The following ZNF329 variants were observed in gnomAD, a reference collection of about 807,000 sequenced individuals.
ZNF329 encodes the protein zinc finger protein 329.
A neutral mutation model predicts 26.6 loss-of-function variants in ZNF329; 15 were observed. The ratio of observed to expected loss-of-function variants is 0.56; its 90% CI spans 0.38 to 0.87. The LOEUF is 0.87. Among genes scored for constraint, ZNF329 ranks in the 40% least tolerant of loss-of-function variants. ZNF329 has a pLI of 0.00. For synonymous variants in ZNF329, 239 were observed against 233.5 expected (o/e 1.02, Z -0.21); for missense variants, 651 against 651.9 (o/e 1.00, Z 0.02).
rs1600041298 is a variant in ZNF329, at chr19:58,128,631, C to G, written c.873G>C (p.Glu291Asp). The part of the protein sequence containing the change: ...HTGEKPYECL[E>D]CGKTFNRNSS... The stretch of plus-strand genomic sequence containing the variant: ...AATTTCGGTTGAAGGTTTTTCCACA[C>G]TCTAGGCATTCATAAGGTTTCTCGC... The change falls in exon 4 of 4, where the codon GAG becomes GAC. Residue 291 changes from glutamate (E) to aspartate (D), a missense_variant. Physicochemically the swap from Glu to Asp is conservative, Grantham distance 45. Coordinates refer to ENST00000598312, the MANE Select transcript of ZNF329 (RefSeq NM_024620.4). 1.2e-6 allele frequency: 2 copies of G among 1,607,242 alleles called. No homozygotes were observed. Among genetic ancestry groups the G allele is most frequent in the Non-Finnish European group, 8.5e-7 (1 of 1,176,514 alleles).
chr19:58,134,064 T>C (rs2075011762), intron 3 of ZNF329, among the ~76,000 whole-genome samples: 1 of 152,162 alleles, frequency 6.6e-6, no homozygotes, highest in South Asian at 2.1e-4. Flanking sequence ...GTATAAAACA[T>C]CTAAGCCCAC....
chr19:58,135,508 T>C (rs2075044641), intron 3 of ZNF329, among the ~76,000 whole-genome samples: 1 of 152,176 alleles, frequency 6.6e-6, no homozygotes, highest in South Asian at 2.1e-4. Flanking sequence ...TCAGGTGATC[T>C]GCCTGCTTCG....
At chr19:58,144,939 T>C (rs1391906869) in intron 1 of ZNF329, among the ~76,000 whole-genome samples, 1 of 149,654 alleles carries the variant, frequency 6.7e-6, no homozygotes, top group African/African-American at 2.5e-5. Context: ...AAGCTCTGCC[T>C]CCCGGGTTCA....
intron 1 of ZNF329, among the ~76,000 whole-genome samples, chr19:58,144,006 G>A (rs12983138): frequency 0.41 from 61,283 of 151,144 alleles, 13,291 homozygotes; most frequent in Middle Eastern, 0.57. Context: ...GCTGGAACCC[G>A]GGAGGCAGAG....
upstream of ZNF329, among the ~76,000 whole-genome samples, chr19:58,153,918 C>G (rs115736660): frequency 0.037 from 5,634 of 152,022 alleles, 367 homozygotes; most frequent in African/African-American, 0.13. Flanking sequence ...ACCCAGGCTG[C>G]TCTCAAACTC....
intron 3 of ZNF329, among the ~76,000 whole-genome samples, chr19:58,133,773 G>C (rs946184877): frequency 6.6e-6 from 1 of 151,602 alleles, no homozygotes; most frequent in African/African-American, 2.4e-5. Flanking sequence ...TCGAGGTGGG[G>C]GGATCACTTG....
chr19:58,149,417 G>A (rs1018309273), intron 1 of ZNF329, among the ~76,000 whole-genome samples: 9 of 152,042 alleles, frequency 5.9e-5, no homozygotes, highest in Admixed American at 2.6e-4. Flanking sequence ...GTTATAGCTC[G>A]GGACCCCCTT....
At chr19:58,152,989 A>G (rs1399966892), upstream of ZNF329, among the ~76,000 whole-genome samples, 1 of 152,250 alleles carries the variant, frequency 6.6e-6, no homozygotes, top group Non-Finnish European at 1.5e-5. Flanking sequence ...AGTAAAAGTA[A>G]TAATCTAGTA....
upstream of ZNF329, among the ~76,000 whole-genome samples, chr19:58,152,947 C>T (rs2146152623): frequency 6.6e-6 from 1 of 151,986 alleles, no homozygotes; most frequent in Middle Eastern, 3.4e-3. Context: ...ACACAAATAT[C>T]AGAAGAATAG....
chr19:58,148,773 A>G (rs887870111), intron 1 of ZNF329, among the ~76,000 whole-genome samples: 2 of 152,244 alleles, frequency 1.3e-5, no homozygotes, highest in African/African-American at 4.8e-5. Flanking sequence ...TATGATATCT[A>G]TAACATACTT....
rs537915701 is a variant in ZNF329 at position 58,128,864 on chromosome 19, G to A, written c.640C>T (p.Arg214Trp). 3.0e-5 allele frequency: 48 copies of A among 1,613,172 alleles called. No individual in the cohort carries two copies. Among genetic ancestry groups the A allele is most frequent in the Middle Eastern group, 1.7e-4 (1 of 6,050 alleles). Residue 214 changes from arginine (R) to tryptophan (W), a missense_variant, in exon 4 of 4, where the codon CGG becomes TGG. Transcript: ENST00000598312. ...TGATGCAAAACAAGAGAAGAGTTCC[G>A]TTTGAAGCATTTGCCACATTCAGTA... ...RCTECGKCFKRNSSLVLHHRT... is the reference protein window; with the variant it reads ...RCTECGKCFKWNSSLVLHHRT...
Position 58,128,587 on chromosome 19 carries a change from T to G in ZNF329, c.917A>C (p.Gln306Pro). The G allele has an allele frequency of 6.2e-7, 1 of 1,613,182 alleles. No individual in the cohort carries two copies. The change falls in exon 4 of 4, where the codon CAA becomes CCA. Residue 306 changes from glutamine to proline, a missense_variant. By Grantham distance (76) the Gln-to-Pro change is moderately conservative. Transcript: ENST00000598312. ...TGGTTTTTCCCCTGTATGAGTTCTT[T>G]GGTGCAAAATTAAGGATGAATTTCG... is the stretch of plus-strand genomic sequence containing the variant. ...FNRNSSLILH[Q>P]RTHTGEKPYR...
chr19:58,130,596 C>T (rs556501601), intron 3 of ZNF329, among the ~76,000 whole-genome samples: 1 of 151,564 alleles, frequency 6.6e-6, no homozygotes, highest in East Asian at 1.9e-4. Context: ...ATGGCGCGAA[C>T]CCGGGAGGCG....
At position 58,147,611 on chromosome 19, in the gene ZNF329, C is replaced by T. The variant is rs542390951; in HGVS notation, c.-208+3141G>A. On this transcript the variant is annotated intron_variant, in intron 1 of 3. Transcript: ENST00000598312. ...GAGGGAGGTGGGGGGGTCAGCCCTC[C>T]GCCTGGCCAGACGCCCCGTCCAGGA... Among the ~76,000 whole-genome samples, 650 of 144,430 alleles carry T rather than the reference C, an allele frequency of 4.5e-3. 43 individuals carry two copies. Among genetic ancestry groups the T allele is most frequent in the African/African-American group, 0.015 (558 of 36,752 alleles). 94.8% of individuals were successfully genotyped at this position (144,430 alleles called of 152,430 possible).
At chr19:58,145,751 G>A (rs1350483941) in intron 1 of ZNF329, among the ~76,000 whole-genome samples, 2 of 151,976 alleles carry the variant, frequency 1.3e-5, no homozygotes, top group Non-Finnish European at 2.9e-5. Context: ...TCTCTAGAAT[G>A]GCTTATCAAT....
chr19:58,152,583 C>A (rs1157207383), upstream of ZNF329, among the ~76,000 whole-genome samples: 1 of 152,074 alleles, frequency 6.6e-6, no homozygotes, highest in Non-Finnish European at 1.5e-5. Flanking sequence ...GGAGACCGGA[C>A]GCGGTGGCTC....
chr19:58,148,571 G>C (rs1278257201), intron 1 of ZNF329, among the ~76,000 whole-genome samples: 5 of 151,508 alleles, frequency 3.3e-5, no homozygotes, highest in African/African-American at 1.2e-4. Flanking sequence ...TGTTCTTTTT[G>C]GCTGGGTGTG....
rs1317380544 is a variant in ZNF329, at chr19:58,127,899, TC to T, written c.1604del (p.Gly535GlufsTer29). Reference sequence around the variant, plus strand: ...ACCATTATGTTTCCATGGGTTGCTCTCCCAGGTGTGCTCTTTGATGTCGAAC... The same window carrying T: ...ACCATTATGTTTCCATGGGTTGCTCTCCAGGTGTGCTCTTTGATGTCGAAC... ...SLVRHQRAHL[G>X]EQPMET On this transcript the variant is annotated frameshift_variant, in exon 4 of 4. Coordinates refer to ENST00000598312, the MANE Select transcript of ZNF329 (RefSeq NM_024620.4). LOFTEE classifies it high-confidence loss of function. The T allele has an allele frequency of 6.3e-7, 1 of 1,598,948 alleles. No homozygotes were observed. Among genetic ancestry groups the T allele is most frequent in the South Asian group, 1.1e-5 (1 of 88,880 alleles).
Position 58,128,826 on chromosome 19 carries a change from G to A in ZNF329, c.678C>T (p.Thr226=), listed in dbSNP as rs116840582. 891 of 1,608,430 alleles carry A rather than the reference G, an allele frequency of 5.5e-4. 6 individuals carry two copies. The African/African-American group carries it at 7.9e-3, about 14-fold the overall frequency. The stretch of plus-strand genomic sequence containing the variant: ...CATTACAAGTATAAGGCTTCTCTCC[G>A]GTGTGAGTTCGGTGATGCAAAACAA... The part of the protein sequence containing the change: ...SSLVLHHRTH[T]GEKPYTCNEC... Residue 226 remains threonine, a synonymous_variant, in exon 4 of 4, where the codon ACC becomes ACT. Transcript: ENST00000598312.
Sources: gnomAD v4.1 joint callset for allele counts (sites outside exome capture counted in the v4.1 genomes callset) on GRCh38, gnomAD v4.1.1 for gene constraint, MANE v1.5 for transcripts, NCBI Gene and HGNC (gene_info 2026-07-23, HGNC 2026-07-21) for gene names.